ELFN1: variants seen among roughly 807,000 people sequenced by gnomAD.
The protein encoded by ELFN1 is protein ELFN1.
ELFN1 carries 6 observed loss-of-function variants against 7.6 expected under a neutral mutation model. The observed-to-expected ratio is 0.79, with a 90% CI of 0.43 to 1.56. The LOEUF (loss-of-function observed/expected upper bound fraction) is 1.56. ELFN1 is among the 40% of genes most tolerant of loss of function. The pLI is 0.01. For synonymous variants in ELFN1, 657 were observed against 588.1 expected (o/e 1.12, Z -1.70); for missense variants, 1,169 against 1,232.2 (o/e 0.95, Z 0.77).
At chr7:1,667,966 G>A (rs1344700161), upstream of ELFN1, among the ~76,000 whole-genome samples, 1 of 72,740 alleles carries the variant, frequency 1.4e-5, no homozygotes, top group East Asian at 2.5e-4. This position sits in a 1 kb window ranked among gnomAD's most constrained non-coding sequence, Gnocchi z 8.2. Context: ...CGCTCGGGGT[G>A]GGGGGGGGGG....
At chr7:1,718,362 C>G (rs1275371056) in intron 3 of ELFN1, among the ~76,000 whole-genome samples, 2 of 152,166 alleles carry the variant, frequency 1.3e-5, no homozygotes, top group Non-Finnish European at 2.9e-5. Flanking sequence ...CACCCTGGGG[C>G]CGCAGTACCT....
chr7:1,737,610 T>C (rs1780485716), intron 3 of ELFN1, among the ~76,000 whole-genome samples: 1 of 152,150 alleles, frequency 6.6e-6, no homozygotes, highest in East Asian at 1.9e-4. Context: ...TTCCCTGAAG[T>C]GGCCAGCTCA....
At chr7:1,684,069 G>A (rs1779019652) in intron 1 of ELFN1, among the ~76,000 whole-genome samples, 1 of 152,108 alleles carries the variant, frequency 6.6e-6, no homozygotes, top group Non-Finnish European at 1.5e-5. Context: ...AGGGTCACTT[G>A]AGTGTGGGAG....
intron 3 of ELFN1, among the ~76,000 whole-genome samples, chr7:1,723,651 T>A (rs764043612): frequency 2.0e-5 from 3 of 152,244 alleles, no homozygotes; most frequent in Non-Finnish European, 4.4e-5. Flanking sequence ...TCCAGGGCTG[T>A]GCCCCGGCCT....
upstream of ELFN1, among the ~76,000 whole-genome samples, chr7:1,667,905 C>T (rs568900192): frequency 4.7e-5 from 7 of 147,838 alleles, no homozygotes; most frequent in South Asian, 1.6e-3. This position sits in a 1 kb window ranked among gnomAD's most constrained non-coding sequence, Gnocchi z 8.2. Flanking sequence ...GGGGGAGGGG[C>T]GACCCGGCCG....
intron 3 of ELFN1, among the ~76,000 whole-genome samples, chr7:1,721,622 C>T (rs992116098): frequency 1.3e-5 from 2 of 152,214 alleles, no homozygotes; most frequent in Admixed American, 6.5e-5. Flanking sequence ...CATCGAGTTA[C>T]GCACCTGCCA....
chr7:1,666,074 A>AGCC (rs908277705), upstream of ELFN1, among the ~76,000 whole-genome samples: 3 of 148,808 alleles, frequency 2.0e-5, no homozygotes, highest in African/African-American at 4.9e-5. The surrounding 1 kb of genome is among the most constrained non-coding windows in gnomAD (Gnocchi z 7.9). Context: ...AAGGAGGGGA[A>AGCC]GCCGCCGCCG....
At position 1,738,046 on chromosome 7, in the gene ELFN1, C is replaced by T. The variant is rs547291510; in HGVS notation, c.-293-6258C>T. On this transcript the variant is annotated intron_variant, in intron 3 of 3. Coordinates refer to ENST00000424383, the MANE Select transcript of ELFN1 (RefSeq NM_001128636.4). ...ATGCCCCCAGGACAGCCGAGGTCCC[C>T]GTGCGACAAGCAGACCTCGCCAGCG... Among the ~76,000 whole-genome samples the T allele has an allele frequency of 1.8e-3, 281 of 152,300 alleles. 1 individual carries two copies. Among genetic ancestry groups the T allele is most frequent in the Non-Finnish European group, 3.8e-3 (260 of 68,022 alleles).
At chr7:1,693,054 T>C (rs1266880902) in intron 2 of ELFN1, 1 of 303,262 alleles carries the variant, frequency 3.3e-6, no homozygotes, top group Non-Finnish European at 6.6e-6. Flanking sequence ...CCTCTCCCTG[T>C]GAACAAGGCT....
chr7:1,746,589 G>A lies in ELFN1; in HGVS notation c.1993G>A (p.Ala665Thr), dbSNP rs1352291996. Residue 665 changes from alanine to threonine, a missense_variant, in exon 4 of 4, where the codon GCC (alanine) becomes ACC (threonine). By Grantham distance (58) the Ala-to-Thr change is moderately conservative (BLOSUM62 0). Transcript: ENST00000424383. ...CGTCGGGGTGCACAAGGCCGCGGCC[G>A]CCGAGGCCAAGTACATCGAGAAGGG... is the stretch of plus-strand genomic sequence containing the variant. ...EAVGVHKAAA[A>T]EAKYIEKGSP... 4.5e-6 allele frequency: 6 copies of A among 1,345,338 alleles called. No homozygotes were observed. The highest frequency in any genetic ancestry group is 3.1e-5 in the African/African-American group (2 of 64,208). 83.3% of individuals were successfully genotyped at this position (1,345,338 alleles called of 1,614,324 possible). A position where few individuals can be genotyped will look rare whatever the true frequency, so the allele number is the denominator to read the frequency against.
At chr7:1,743,064 G>T (rs1335672701) in intron 3 of ELFN1, among the ~76,000 whole-genome samples, 1 of 143,742 alleles carries the variant, frequency 7.0e-6, no homozygotes. Context: ...CACACCAGGG[G>T]CCCCCTTATC....
intron 3 of ELFN1, among the ~76,000 whole-genome samples, chr7:1,728,661 G>A (rs987856874): frequency 6.6e-6 from 1 of 152,184 alleles, no homozygotes; most frequent in Non-Finnish European, 1.5e-5. Flanking sequence ...CACAGCACAT[G>A]CGTTTTCTCA....
At chr7:1,666,464 G>A (rs1347349182), upstream of ELFN1, among the ~76,000 whole-genome samples, 1 of 152,006 alleles carries the variant, frequency 6.6e-6, no homozygotes, top group East Asian at 2.0e-4. The surrounding 1 kb of genome is among the most constrained non-coding windows in gnomAD (Gnocchi z 7.9). Context: ...ACCCAGGTTC[G>A]GAGGCGGGCG....
At chr7:1,704,177 G>T (rs943671452) in intron 2 of ELFN1, among the ~76,000 whole-genome samples, 5 of 152,206 alleles carry the variant, frequency 3.3e-5, no homozygotes, top group African/African-American at 1.2e-4. Flanking sequence ...CAGGAGAAGG[G>T]AGCCTGCAGC....
chr7:1,669,778 C>T (rs1036078345), upstream of ELFN1, among the ~76,000 whole-genome samples: 9 of 152,198 alleles, frequency 5.9e-5, no homozygotes, highest in African/African-American at 1.9e-4. Flanking sequence ...GGCGGACCGA[C>T]GGGAGGACCT....
At chr7:1,675,917 G>A (rs901912572) in intron 1 of ELFN1, among the ~76,000 whole-genome samples, 2 of 152,168 alleles carry the variant, frequency 1.3e-5, no homozygotes, top group Admixed American at 6.5e-5. Context: ...CGACCTCCAC[G>A]GCCTCCCTAG....
intron 2 of ELFN1, among the ~76,000 whole-genome samples, chr7:1,707,468 C>T (rs1226494369): frequency 2.6e-5 from 4 of 152,192 alleles, no homozygotes; most frequent in South Asian, 2.1e-4. Context: ...GCCCTCCCAG[C>T]GCGGGAAGCA....
chr7:1,693,092 C>T, intron 2 of ELFN1: 1 of 328,592 alleles, frequency 3.0e-6, no homozygotes, highest in Non-Finnish European at 6.1e-6. Flanking sequence ...GCTGGGCTGG[C>T]CCGTCCTTCA....
intron 1 of ELFN1, among the ~76,000 whole-genome samples, chr7:1,675,101 G>T (rs914982314): frequency 1.4e-5 from 1 of 69,318 alleles, no homozygotes; most frequent in Non-Finnish European, 2.6e-5. Context: ...AGCCCACGGC[G>T]TGGAGGTGAA....
Sources: allele counts gnomAD v4.1 joint callset (sites outside exome capture counted in the v4.1 genomes callset), GRCh38; gene constraint gnomAD v4.1.1; non-coding constraint Gnocchi (gnomAD v3.1); transcripts MANE v1.5; gene names NCBI Gene and HGNC (gene_info 2026-07-23, HGNC 2026-07-21).